The following RARB variants were observed in gnomAD, a reference collection of about 807,000 sequenced individuals.
RARB encodes retinoic acid receptor beta.
In RARB, 17 loss-of-function variants were observed where a neutral mutation model predicts 51.9. The ratio of observed to expected loss-of-function variants is 0.33; its 90% CI spans 0.22 to 0.49. The LOEUF is 0.49. Among genes scored for constraint, RARB ranks in the 20% least tolerant of loss-of-function variants. The pLI, the probability that RARB is intolerant of heterozygous loss-of-function variation, is 0.99. For synonymous variants in RARB, 215 were observed against 195.4 expected, an observed-to-expected ratio of 1.10 and a Z score of -0.84; for missense variants, 369 against 550.8, an observed-to-expected ratio of 0.67 and a Z score of 3.30.
chr3:25,202,093 T>C (rs1701407465), intron 5 of RARB, among the ~76,000 whole-genome samples: 1 of 152,230 alleles, frequency 6.6e-6, no homozygotes, highest in Admixed American at 6.5e-5. Context: ...AAGCTATTAA[T>C]TATTGCCTTA....
chr3:25,475,410 G>GGA lies in RARB; in HGVS notation c.306+14069_306+14070insGA, dbSNP rs960521174. 4.6e-5 allele frequency among the ~76,000 whole-genome samples: 7 copies of GGA among 151,906 alleles called. No individual in the cohort carries two copies. The East Asian group carries it at 1.2e-3, about 25-fold the overall frequency. ...ATTATCCAAATAACAAAGGGGGGGG[G>GGA]ATCCCCTGCAAAAAATCACTATAGA... On this transcript the variant is annotated intron_variant, in intron 2 of 7. Coordinates refer to ENST00000330688, the MANE Select transcript of RARB (RefSeq NM_000965.5).
chr3:25,034,261 G>C (rs1436976167), intron 2 of RARB, among the ~76,000 whole-genome samples: 1 of 152,170 alleles, frequency 6.6e-6, no homozygotes, highest in Non-Finnish European at 1.5e-5. Flanking sequence ...AGTGAGTCAA[G>C]ATCGCACCAC....
exon 5 of RARB, chr3:25,174,406 C>T (rs979794661): frequency 5.2e-6 from 7 of 1,351,948 alleles, no homozygotes; most frequent in Non-Finnish European, 6.9e-6. Flanking sequence ...ACATGACCAC[C>T]AGCGGCCACG....
chr3:25,553,089 G>GT, intron 3 of RARB, among the ~76,000 whole-genome samples: 1 of 151,440 alleles, frequency 6.6e-6, no homozygotes, highest in East Asian at 1.9e-4. Context: ...TGCATGAGGA[G>GT]TTAAAGTACT....
At chr3:25,337,858 G>A (rs1032729598) in intron 5 of RARB, among the ~76,000 whole-genome samples, 8 of 152,042 alleles carry the variant, frequency 5.3e-5, no homozygotes, top group Non-Finnish European at 8.8e-5. Context: ...CCTTAGAAGA[G>A]TAGGTGATTT....
intron 2 of RARB, among the ~76,000 whole-genome samples, chr3:24,932,603 A>G (rs1695464574): frequency 6.6e-6 from 1 of 152,092 alleles, no homozygotes. Flanking sequence ...AAAGTCTTCT[A>G]TATGTTTATC....
At chr3:25,216,777 T>C (rs1466643526) in intron 5 of RARB, among the ~76,000 whole-genome samples, 1 of 151,280 alleles carries the variant, frequency 6.6e-6, no homozygotes, top group East Asian at 1.9e-4. Flanking sequence ...TTGTTTCTTC[T>C]AAAAAATATA....
At chr3:25,232,066 A>G (rs941098789) in intron 5 of RARB, among the ~76,000 whole-genome samples, 1 of 152,178 alleles carries the variant, frequency 6.6e-6, no homozygotes, top group Non-Finnish European at 1.5e-5. Flanking sequence ...TTATTTGCAT[A>G]TAGATATCAA....
intron 3 of RARB, among the ~76,000 whole-genome samples, chr3:25,555,977 G>A (rs866259123): frequency 1.3e-5 from 2 of 151,140 alleles, no homozygotes; most frequent in African/African-American, 4.9e-5. Context: ...TGGCAGGAAC[G>A]TTTTGTATGT....
chr3:25,083,769 C>A (rs1202536389), intron 3 of RARB, among the ~76,000 whole-genome samples: 1 of 152,030 alleles, frequency 6.6e-6, no homozygotes, highest in African/African-American at 2.4e-5. Flanking sequence ...AAGATGACTG[C>A]GTTTTGTTCT....
intron 5 of RARB, among the ~76,000 whole-genome samples, chr3:25,283,818 A>G (rs1227342727): frequency 6.6e-6 from 1 of 151,940 alleles, no homozygotes; most frequent in Non-Finnish European, 1.5e-5. Context: ...TCGCTAAGCA[A>G]CTCTACTTTT....
chr3:24,914,134 G>A (rs1233234983), intron 2 of RARB, among the ~76,000 whole-genome samples: 2 of 152,160 alleles, frequency 1.3e-5, no homozygotes, highest in African/African-American at 4.8e-5. Context: ...CTCAAATCAT[G>A]TACCATTCCA....
chr3:25,347,870 G>A (rs1332953585), intron 5 of RARB, among the ~76,000 whole-genome samples: 1 of 152,180 alleles, frequency 6.6e-6, no homozygotes, highest in Middle Eastern at 3.2e-3. Flanking sequence ...CAGCACTGGT[G>A]ATGTTGCAGG....
chr3:24,999,037 G>C (rs1441129191), intron 2 of RARB, among the ~76,000 whole-genome samples: 1 of 152,118 alleles, frequency 6.6e-6, no homozygotes, highest in Non-Finnish European at 1.5e-5. Context: ...AATGGGCCCA[G>C]CTGGAATGGG....
chr3:24,899,529 C>G (rs1703552651), intron 2 of RARB, among the ~76,000 whole-genome samples: 1 of 152,130 alleles, frequency 6.6e-6, no homozygotes, highest in African/African-American at 2.4e-5. Context: ...AGTCTCTCTC[C>G]CTCAATGGGG....
chr3:25,064,392 C>T (rs1463747417), intron 3 of RARB, among the ~76,000 whole-genome samples: 2 of 152,196 alleles, frequency 1.3e-5, no homozygotes, highest in East Asian at 3.9e-4. Context: ...CTTCAATATT[C>T]TTGCCAATGT....
intron 4 of RARB, among the ~76,000 whole-genome samples, chr3:25,160,380 T>G (rs549185381): frequency 1.2e-4 from 19 of 152,230 alleles, no homozygotes; most frequent in Admixed American, 3.9e-4. Flanking sequence ...ACCCCTGGCT[T>G]CTTCTAGAAC....
chr3:25,564,958 G>A (rs778821036), intron 3 of RARB, among the ~76,000 whole-genome samples: 3 of 152,068 alleles, frequency 2.0e-5, no homozygotes, highest in Admixed American at 6.6e-5. Flanking sequence ...CACACCCCAC[G>A]CTCCCAGAGA....
At chr3:24,888,754 A>T (rs2125362157) in intron 2 of RARB, among the ~76,000 whole-genome samples, 1 of 152,298 alleles carries the variant, frequency 6.6e-6, no homozygotes, top group Admixed American at 6.5e-5. Context: ...TTATGGACAC[A>T]CAGGAAAGGA....
Sources: allele counts gnomAD v4.1 joint callset (sites outside exome capture counted in the v4.1 genomes callset), GRCh38; gene constraint gnomAD v4.1.1; transcripts MANE v1.5; gene names NCBI Gene and HGNC (gene_info 2026-07-23, HGNC 2026-07-21).